PPM1D: variants seen among roughly 807,000 people sequenced by gnomAD.
PPM1D encodes the protein protein phosphatase 1D.
In PPM1D, 52 loss-of-function variants were observed where a neutral mutation model predicts 58.3. The ratio of observed to expected loss-of-function variants is 0.89; its 90% CI spans 0.71 to 1.12. The LOEUF (loss-of-function observed/expected upper bound fraction) is 1.12, where lower values mean the gene tolerates loss of function less well. PPM1D is among the 50% of genes most tolerant of loss of function. The pLI, the probability that PPM1D is intolerant of heterozygous loss-of-function variation, is 0.00. For synonymous variants in PPM1D, 278 were observed against 285.1 expected (o/e 0.98, Z 0.25); for missense variants, 564 against 777.2 (o/e 0.73, Z 3.26).
chr17:60,626,455 C>T (rs552627211), intron 2 of PPM1D, among the ~76,000 whole-genome samples: 2 of 150,204 alleles, frequency 1.3e-5, no homozygotes, highest in East Asian at 2.0e-4. Flanking sequence ...AGTGCAGTGG[C>T]GCGATCTCGG....
At chr17:60,639,361 C>T (rs779382267) in intron 3 of PPM1D, among the ~76,000 whole-genome samples, 14 of 152,178 alleles carry the variant, frequency 9.2e-5, no homozygotes, top group Non-Finnish European at 1.9e-4. Flanking sequence ...ATCTACCCGC[C>T]TCAGCCACCT....
At chr17:60,632,094 T>G (rs1354169194) in intron 2 of PPM1D, among the ~76,000 whole-genome samples, 1 of 151,852 alleles carries the variant, frequency 6.6e-6, no homozygotes, top group Non-Finnish European at 1.5e-5. Flanking sequence ...CTCGGGAGGC[T>G]GAGGCAGGAG....
At chr17:60,629,267 TA>T (rs2030872397) in intron 2 of PPM1D, among the ~76,000 whole-genome samples, 1 of 152,220 alleles carries the variant, frequency 6.6e-6, no homozygotes, top group African/African-American at 2.4e-5. Flanking sequence ...TTGTCTTGTG[TA>T]GGGACCAAGA....
chr17:60,650,336 A>G (rs1487042501), intron 4 of PPM1D, among the ~76,000 whole-genome samples: 1 of 152,212 alleles, frequency 6.6e-6, no homozygotes, highest in African/African-American at 2.4e-5. Flanking sequence ...GGATCACTTG[A>G]GGTCAGGAGT....
At chr17:60,610,412 A>AAT (rs1289644442) in intron 1 of PPM1D, among the ~76,000 whole-genome samples, 4 of 152,164 alleles carry the variant, frequency 2.6e-5, no homozygotes, top group Non-Finnish European at 4.4e-5. Context: ...GGATAGTATA[A>AAT]ATATACCAAT....
chr17:60,654,261 A>G (rs1221419040), intron 4 of PPM1D, among the ~76,000 whole-genome samples: 1 of 148,554 alleles, frequency 6.7e-6, no homozygotes, highest in East Asian at 2.0e-4. Context: ...TTCAGTGTCT[A>G]TTGAAATAAT....
At chr17:60,603,441 A>G (rs984452970) in intron 1 of PPM1D, among the ~76,000 whole-genome samples, 1 of 152,148 alleles carries the variant, frequency 6.6e-6, no homozygotes, top group African/African-American at 2.4e-5. Flanking sequence ...GTTGTTTTAC[A>G]TTTTGCAAAC....
chr17:60,617,595 G>GTA (rs1009545524), intron 1 of PPM1D, among the ~76,000 whole-genome samples: 6 of 151,748 alleles, frequency 4.0e-5, no homozygotes, highest in African/African-American at 1.4e-4. Context: ...TCAAAAGCTA[G>GTA]TAAACACCCC....
At chr17:60,640,933 ATTTTT>A (rs796104862) in intron 3 of PPM1D, among the ~76,000 whole-genome samples, 1 of 144,820 alleles carries the variant, frequency 6.9e-6, no homozygotes, top group Non-Finnish European at 1.5e-5. Flanking sequence ...ACATAATTTC[ATTTTT>A]TTTTTTGTGG....
rs905647626 is a variant in PPM1D at position 60,600,265 on chromosome 17, A to T, written c.-150A>T. The T allele has an allele frequency of 7.1e-7, 1 of 1,404,160 alleles. No homozygotes were observed. Among genetic ancestry groups the T allele is most frequent in the Admixed American group, 2.8e-5 (1 of 36,158 alleles). The allele number at this position is 1,404,160 out of a possible 1,614,324, so 87.0% of individuals were successfully genotyped here. ...CCAGCTCTCGCGGACAAGTCCAGACATCGCGCGCCCCCCCTTCTCCGGGTC... is the reference window on the plus strand; with the variant it reads ...CCAGCTCTCGCGGACAAGTCCAGACTTCGCGCGCCCCCCCTTCTCCGGGTC... On this transcript the variant is annotated 5_prime_UTR_variant, in exon 1 of 6. Transcript: ENST00000305921.
chr17:60,658,595 C>G (rs1160349311), intron 5 of PPM1D, among the ~76,000 whole-genome samples: 1 of 150,360 alleles, frequency 6.7e-6, no homozygotes, highest in Non-Finnish European at 1.5e-5. Flanking sequence ...TTGCGGTGAG[C>G]CAAGATCGTG....
intron 1 of PPM1D, among the ~76,000 whole-genome samples, chr17:60,606,637 C>T (rs2030335186): frequency 6.6e-6 from 1 of 152,016 alleles, no homozygotes; most frequent in Non-Finnish European, 1.5e-5. Context: ...TGTTACTGAG[C>T]CCTTCTTGAA....
At chr17:60,649,847 T>A (rs943053067) in intron 4 of PPM1D, among the ~76,000 whole-genome samples, 4 of 152,230 alleles carry the variant, frequency 2.6e-5, no homozygotes, top group African/African-American at 9.6e-5. Flanking sequence ...GATCATGAGT[T>A]CTTTTAAGGT....
intron 1 of PPM1D, among the ~76,000 whole-genome samples, chr17:60,606,202 T>G (rs1175649005): frequency 6.6e-6 from 1 of 152,242 alleles, no homozygotes; most frequent in African/African-American, 2.4e-5. Context: ...TCTTTAGAGT[T>G]CATTCATATT....
At chr17:60,639,657 C>T (rs1464315513) in intron 3 of PPM1D, among the ~76,000 whole-genome samples, 1 of 152,154 alleles carries the variant, frequency 6.6e-6, no homozygotes, top group Non-Finnish European at 1.5e-5. Flanking sequence ...AGGCTGGTCT[C>T]GAACTCCTGA....
intron 3 of PPM1D, among the ~76,000 whole-genome samples, chr17:60,647,642 G>A (rs559522139): frequency 1.3e-5 from 2 of 152,188 alleles, no homozygotes; most frequent in East Asian, 3.9e-4. Context: ...ATTTTAAAGG[G>A]AATACTTTTA....
rs2031280437 is a variant in PPM1D, at chr17:60,648,094, T to C, written c.1017+12T>C. 1.3e-6 allele frequency: 2 copies of C among 1,595,196 alleles called. No individual in the cohort carries two copies. The highest frequency in any genetic ancestry group is 1.1e-5 in the South Asian group (1 of 88,884). Reference sequence around the variant, plus strand: ...AAAAATACCTGATGGTGAGATGTGATTGAATAACTTGATATTGTTGTCTAA... The same window carrying C: ...AAAAATACCTGATGGTGAGATGTGACTGAATAACTTGATATTGTTGTCTAA... On this transcript the variant is annotated intron_variant, in intron 4 of 5. Transcript: ENST00000305921.
At chr17:60,657,272 C>T (rs548666640) in intron 5 of PPM1D, among the ~76,000 whole-genome samples, 4 of 152,198 alleles carry the variant, frequency 2.6e-5, no homozygotes, top group South Asian at 2.1e-4. Flanking sequence ...GGATAGCAGA[C>T]GTTACAACTG....
intron 5 of PPM1D, among the ~76,000 whole-genome samples, chr17:60,660,191 C>G (rs990075370): frequency 2.0e-5 from 3 of 152,024 alleles, no homozygotes; most frequent in African/African-American, 4.8e-5. Flanking sequence ...CAAAAGTTAG[C>G]TGGGTGTGGT....
Sources: allele counts gnomAD v4.1 joint callset (sites outside exome capture counted in the v4.1 genomes callset), GRCh38; gene constraint gnomAD v4.1.1; transcripts MANE v1.5; gene names NCBI Gene and HGNC (gene_info 2026-07-23, HGNC 2026-07-21).